Variants in MCC observed in about 807,000 individuals in gnomAD.
The protein encoded by MCC is MCC regulator of Wnt signaling pathway, also known as colorectal mutant cancer protein.
In MCC, 90 loss-of-function variants were observed where a neutral mutation model predicts 116.2. The observed-to-expected ratio is 0.77, with a 90% confidence interval of 0.65 to 0.92. MCC has a LOEUF of 0.92. Ranked by LOEUF, MCC falls within the 40% of genes least tolerant of loss-of-function variation. MCC has a pLI of 0.00. For missense variants in MCC, 1,516 were observed against 1,312.2 expected, an observed-to-expected ratio of 1.16 and a Z score of -2.40; for synonymous variants, 578 against 510.5, an observed-to-expected ratio of 1.13 and a Z score of -1.78.
chr5:113,154,929 T>C (rs183669138), intron 3 of MCC, among the ~76,000 whole-genome samples: 3 of 152,322 alleles, frequency 2.0e-5, no homozygotes, highest in Admixed American at 2.0e-4. Flanking sequence ...TTCTGAAATA[T>C]ACATTATTGC....
chr5:113,220,514 AT>A (rs1231210965), intron 3 of MCC, among the ~76,000 whole-genome samples: 2 of 152,058 alleles, frequency 1.3e-5, no homozygotes, highest in African/African-American at 4.8e-5. Context: ...TAATGTTTGT[AT>A]TTTTTAGTGC....
In MCC at chr5:113,162,454, C is replaced by T. The variant is rs139797287; in HGVS notation, c.628-11032G>A. Among the ~76,000 whole-genome samples, 303 of 152,192 alleles carry T rather than the reference C, an allele frequency of 2.0e-3. 1 individual carries two copies. The highest frequency in any genetic ancestry group is 7.0e-3 in the African/African-American group (290 of 41,526). On this transcript the variant is annotated intron_variant, in intron 3 of 18. Transcript: ENST00000408903. ...ATATTTCAGGCAAATCACTTAACCACAACATCAGCTGGCAGACTGTTAGCC... is the reference window on the plus strand; with the variant it reads ...ATATTTCAGGCAAATCACTTAACCATAACATCAGCTGGCAGACTGTTAGCC...
rs1249230587 is a variant in MCC at position 113,269,376 on chromosome 5, T to G, written c.627+71143A>C. Among the ~76,000 whole-genome samples the G allele has an allele frequency of 2.0e-5, 3 of 152,202 alleles. No individual in the cohort carries two copies. The East Asian group carries it at 5.8e-4, about 29-fold the overall frequency. ...GTGGCTAAATTCCTGTCTCTTGAAT[T>G]AAGCTACTGCAATGAGGACACATCA... On this transcript the variant is annotated intron_variant, in intron 3 of 18. Coordinates refer to ENST00000408903, the MANE Select transcript of MCC (RefSeq NM_001085377.2).
chr5:113,182,511 G>C (rs1218939105), intron 3 of MCC, among the ~76,000 whole-genome samples: 1 of 152,126 alleles, frequency 6.6e-6, no homozygotes, highest in African/African-American at 2.4e-5. Context: ...TAGGAGAATA[G>C]CTTGAACCTG....
At chr5:113,163,199 T>G (rs1354175465) in intron 3 of MCC, among the ~76,000 whole-genome samples, 1 of 152,074 alleles carries the variant, frequency 6.6e-6, no homozygotes, top group Non-Finnish European at 1.5e-5. Flanking sequence ...CCAAAATCAA[T>G]TTCCATAAAA....
chr5:113,314,656 C>T (rs560060813), intron 3 of MCC, among the ~76,000 whole-genome samples: 23 of 152,148 alleles, frequency 1.5e-4, no homozygotes, highest in Non-Finnish European at 2.6e-4. Context: ...GGCGTGATCT[C>T]GGCCTACTGC....
intron 1 of MCC, among the ~76,000 whole-genome samples, chr5:113,390,726 T>C (rs1464065908): frequency 6.6e-6 from 1 of 152,106 alleles, no homozygotes; most frequent in Non-Finnish European, 1.5e-5. Flanking sequence ...TTCCCCACAA[T>C]GATAATAAAT....
intron 1 of MCC, among the ~76,000 whole-genome samples, chr5:113,448,597 T>C (rs1771290292): frequency 6.6e-6 from 1 of 151,638 alleles, no homozygotes; most frequent in South Asian, 2.1e-4. Context: ...TCAGATTTGA[T>C]GCACTGCCTT....
At chr5:113,186,631 A>C (rs552227068) in intron 3 of MCC, among the ~76,000 whole-genome samples, 1 of 152,302 alleles carries the variant, frequency 6.6e-6, no homozygotes, top group African/African-American at 2.4e-5. Flanking sequence ...TTTTATATTT[A>C]AGATCAACAC....
At chr5:113,044,706 C>G (rs1316266325) in intron 16 of MCC, among the ~76,000 whole-genome samples, 1 of 152,204 alleles carries the variant, frequency 6.6e-6, no homozygotes, top group Non-Finnish European at 1.5e-5. Context: ...TCCCGAGTAG[C>G]TGGGATTACA....
chr5:113,072,915 C>T (rs1042799979), intron 11 of MCC, among the ~76,000 whole-genome samples: 3 of 152,130 alleles, frequency 2.0e-5, no homozygotes, highest in Admixed American at 6.5e-5. Flanking sequence ...AAGTGGGATT[C>T]TTGATTTCCC....
intron 1 of MCC, among the ~76,000 whole-genome samples, chr5:113,398,822 A>G (rs184554247): frequency 6.6e-6 from 1 of 152,324 alleles, no homozygotes; most frequent in East Asian, 1.9e-4. Flanking sequence ...TAGGATTTCC[A>G]ATAAGCAACT....
intron 3 of MCC, among the ~76,000 whole-genome samples, chr5:113,273,347 T>G (rs1765684806): frequency 6.6e-6 from 1 of 152,322 alleles, no homozygotes; most frequent in South Asian, 2.1e-4. Context: ...CCCCAGGGAA[T>G]GTACTGTGGA....
chr5:113,393,015 A>T (rs1044261588), intron 1 of MCC, among the ~76,000 whole-genome samples: 2 of 152,176 alleles, frequency 1.3e-5, no homozygotes, highest in South Asian at 2.1e-4. Flanking sequence ...AAACAATATG[A>T]CAGTATTAAT....
rs187467520 is a variant in MCC at position 113,427,082 on chromosome 5, C to A, written c.171-41870G>T. ...TGTTGCAGGTGGGGACTCTGAGGGA[C>A]ACATCTTCTTCAGGTCTAGCCAATT... On this transcript the variant is annotated intron_variant, in intron 1 of 18. Transcript: ENST00000408903. Among the ~76,000 whole-genome samples the A allele has an allele frequency of 7.4e-3, 1,130 of 152,136 alleles. 12 individuals carry two copies. Among genetic ancestry groups the A allele is most frequent in the Middle Eastern group, 0.024 (7 of 294 alleles).
At chr5:113,294,786 C>A in intron 3 of MCC, 1 of 988,132 alleles carries the variant, frequency 1.0e-6, no homozygotes, top group Non-Finnish European at 1.2e-6. Context: ...GAGCCGACAC[C>A]CTAGAGGGCA....
intron 1 of MCC, among the ~76,000 whole-genome samples, chr5:113,440,574 A>T (rs1251939506): frequency 6.7e-6 from 1 of 150,216 alleles, no homozygotes; most frequent in Non-Finnish European, 1.5e-5. Context: ...AAAATAAGAA[A>T]GTAAAGAAGA....
chr5:113,413,872 A>G (rs154039), intron 1 of MCC, among the ~76,000 whole-genome samples: 95,587 of 152,028 alleles, frequency 0.63, 32,722 homozygotes, highest in African/African-American at 0.91. Context: ...GTAGGGTGTC[A>G]ATTTTAGATC....
At chr5:113,036,394 C>G (rs1454409929) in intron 17 of MCC, among the ~76,000 whole-genome samples, 1 of 152,146 alleles carries the variant, frequency 6.6e-6, no homozygotes, top group Non-Finnish European at 1.5e-5. Context: ...ACCTGGGATT[C>G]TGTCTGCAGA....
Sources: gnomAD v4.1 joint callset for allele counts (sites outside exome capture counted in the v4.1 genomes callset) on GRCh38, gnomAD v4.1.1 for gene constraint, MANE v1.5 for transcripts, NCBI Gene and HGNC (gene_info 2026-07-23, HGNC 2026-07-21) for gene names.